The following SPMIP2 variants were observed in gnomAD, a reference collection of about 807,000 sequenced individuals.
SPMIP2 encodes protein SPMIP2.
the SPMIP2 span, among the ~76,000 whole-genome samples, chr4:158,974,668 A>G: frequency 1.3e-5 from 2 of 152,186 alleles, no homozygotes; most frequent in African/African-American, 4.8e-5. Flanking sequence ...TAGTTATTGC[A>G]TGGTATATAT....
chr4:158,955,017 C>T, the SPMIP2 span, among the ~76,000 whole-genome samples: 2 of 152,032 alleles, frequency 1.3e-5, no homozygotes, highest in African/African-American at 2.4e-5. Context: ...CAATTGCAAA[C>T]AGAAGAGATC....
chr4:158,938,557 C>T, the SPMIP2 span, among the ~76,000 whole-genome samples: 1 of 152,180 alleles, frequency 6.6e-6, no homozygotes, highest in Non-Finnish European at 1.5e-5. Context: ...AACACTTACT[C>T]GCTAATTTGC....
the SPMIP2 span, among the ~76,000 whole-genome samples, chr4:159,061,624 A>T: frequency 3.9e-5 from 6 of 152,120 alleles, no homozygotes; most frequent in Non-Finnish European, 5.9e-5. Flanking sequence ...CCTGGCCAAC[A>T]TGGTGAAACC....
the SPMIP2 span, chr4:158,960,452 A>G: frequency 1.6e-6 from 1 of 615,962 alleles, no homozygotes; most frequent in Non-Finnish European, 2.8e-6. Context: ...GAAATGAAAT[A>G]GAAAATGCTA....
At chr4:158,940,508 T>G in the SPMIP2 span, among the ~76,000 whole-genome samples, 3 of 151,934 alleles carry the variant, frequency 2.0e-5, no homozygotes, top group African/African-American at 7.3e-5. Flanking sequence ...CCTAGATTCA[T>G]TGATTCATCA....
the SPMIP2 span, among the ~76,000 whole-genome samples, chr4:158,916,855 G>C: frequency 6.6e-6 from 1 of 152,188 alleles, no homozygotes; most frequent in Non-Finnish European, 1.5e-5. Flanking sequence ...TGTCGACCAA[G>C]CTGGTCTTGA....
the SPMIP2 span, among the ~76,000 whole-genome samples, chr4:159,045,014 C>A: frequency 6.6e-6 from 1 of 151,904 alleles, no homozygotes; most frequent in Non-Finnish European, 1.5e-5. Context: ...TCACTTGAAC[C>A]CAGGAGGTGG....
At chr4:158,969,499 T>G in the SPMIP2 span, among the ~76,000 whole-genome samples, 4 of 151,958 alleles carry the variant, frequency 2.6e-5, no homozygotes, top group Non-Finnish European at 5.9e-5. Flanking sequence ...CATGTAAGAG[T>G]CAGTAGGAAA....
At chr4:158,973,260 T>A in the SPMIP2 span, 19 of 1,613,840 alleles carry the variant, frequency 1.2e-5, no homozygotes, top group Non-Finnish European at 1.5e-5. Context: ...TTCTCCTACA[T>A]AGGAGGTGTG....
chr4:158,911,664 A>AT, the SPMIP2 span, among the ~76,000 whole-genome samples: 1 of 152,200 alleles, frequency 6.6e-6, no homozygotes, highest in East Asian at 1.9e-4. Context: ...AACTAACTGC[A>AT]TTTCCTGGGA....
At chr4:158,982,905 A>G in the SPMIP2 span, among the ~76,000 whole-genome samples, 1 of 152,136 alleles carries the variant, frequency 6.6e-6, no homozygotes, top group African/African-American at 2.4e-5. Context: ...AGAAGTTAAA[A>G]ACCTTGAAAA....
At chr4:158,984,451 T>C in the SPMIP2 span, among the ~76,000 whole-genome samples, 4 of 150,594 alleles carry the variant, frequency 2.7e-5, no homozygotes, top group Admixed American at 6.7e-5. Flanking sequence ...CACAGTGCAA[T>C]CAAACTAGAA....
the SPMIP2 span, among the ~76,000 whole-genome samples, chr4:159,066,586 ATT>A: frequency 1.0e-5 from 1 of 95,794 alleles, no homozygotes; most frequent in Non-Finnish European, 2.1e-5. Flanking sequence ...ACGTGTGTGT[ATT>A]TTATATATAT....
At chr4:158,917,720 C>CTTTTTT in the SPMIP2 span, among the ~76,000 whole-genome samples, 1 of 70,288 alleles carries the variant, frequency 1.4e-5, no homozygotes. Context: ...CACTATTTGA[C>CTTTTTT]TTTTTTTTTT....
the SPMIP2 span, among the ~76,000 whole-genome samples, chr4:159,081,832 A>G: frequency 6.6e-6 from 1 of 152,240 alleles, no homozygotes; most frequent in Admixed American, 6.5e-5. Context: ...GCATTATTAT[A>G]AACAGTGGTA....
chr4:159,023,730 C>A, the SPMIP2 span, among the ~76,000 whole-genome samples: 1 of 152,128 alleles, frequency 6.6e-6, no homozygotes, highest in African/African-American at 2.4e-5. Context: ...CCTCAGTAAC[C>A]ACCCTTGCCC....
At chr4:158,900,159 G>A in the SPMIP2 span, among the ~76,000 whole-genome samples, 5 of 152,336 alleles carry the variant, frequency 3.3e-5, no homozygotes, top group Middle Eastern at 3.4e-3. Context: ...GTGGTTTTGA[G>A]TGAGTTTCTT....
the SPMIP2 span, among the ~76,000 whole-genome samples, chr4:159,039,639 C>A: frequency 1.3e-5 from 2 of 152,320 alleles, no homozygotes; most frequent in Non-Finnish European, 1.5e-5. Flanking sequence ...ATTGTGACAG[C>A]GACTGAACTC....
At chr4:158,957,354 A>G in the SPMIP2 span, among the ~76,000 whole-genome samples, 1 of 152,140 alleles carries the variant, frequency 6.6e-6, no homozygotes, top group Non-Finnish European at 1.5e-5. Flanking sequence ...CACAGGTTGT[A>G]ATTTGATGTA....
Sources: gnomAD v4.1 joint callset for allele counts (sites outside exome capture counted in the v4.1 genomes callset) on GRCh38, gnomAD v4.1.1 for gene constraint, MANE v1.5 for transcripts, NCBI Gene and HGNC (gene_info 2026-07-23, HGNC 2026-07-21) for gene names.